PIK3C2G: variants seen among roughly 807,000 people sequenced by gnomAD.
PIK3C2G encodes phosphatidylinositol 3-kinase C2 domain-containing subunit gamma.
Under a neutral mutation model 181.1 loss-of-function variants are expected in PIK3C2G, and 168 were observed. The observed-to-expected ratio is 0.93, with a 90% CI of 0.82 to 1.05. The LOEUF (loss-of-function observed/expected upper bound fraction) is 1.05. PIK3C2G is among the 50% of genes least tolerant of loss of function. The pLI is 0.00. For missense variants in PIK3C2G, 1,869 were observed against 1,732.8 expected (o/e 1.08, Z -1.40); for synonymous variants, 573 against 592.2 (o/e 0.97, Z 0.47).
intron 8 of PIK3C2G, among the ~76,000 whole-genome samples, chr12:18,333,452 G>A (rs545396262): frequency 4.6e-5 from 7 of 151,918 alleles, no homozygotes; most frequent in South Asian, 2.1e-4. Flanking sequence ...CCCACCCACC[G>A]ACAGGCCCGG....
downstream of PIK3C2G, among the ~76,000 whole-genome samples, chr12:18,650,704 G>GTATATATA (rs1361372584): frequency 1.7e-5 from 1 of 57,764 alleles, no homozygotes; most frequent in Non-Finnish European, 4.0e-5. Flanking sequence ...GTGTGTGTGT[G>GTATATATA]TATATATCTA....
intron 11 of PIK3C2G, among the ~76,000 whole-genome samples, chr12:18,361,099 G>T (rs1227746487): frequency 1.3e-5 from 2 of 151,710 alleles, no homozygotes; most frequent in South Asian, 2.1e-4. Context: ...TGTTGTTGTT[G>T]TTGTTTTCAT....
chr12:18,333,749 C>T (rs999109628), intron 8 of PIK3C2G, among the ~76,000 whole-genome samples: 1 of 152,158 alleles, frequency 6.6e-6, no homozygotes, highest in Non-Finnish European at 1.5e-5. Context: ...CAATTTGTCT[C>T]CAAACTCATT....
At position 18,482,194 on chromosome 12, in the gene PIK3C2G, C is replaced by A. The variant is rs949900623; in HGVS notation, c.2505-6255C>A. Among the ~76,000 whole-genome samples, 4 of 119,590 alleles carry A rather than the reference C, an allele frequency of 3.3e-5. No homozygotes were observed. In the East Asian group the frequency reaches 1.2e-3, roughly 36 times the overall value. The allele number at this position is 119,590 out of a possible 152,430, so 78.5% of individuals were successfully genotyped here. On this transcript the variant is annotated intron_variant, in intron 18 of 32. Transcript: ENST00000538779. The stretch of plus-strand genomic sequence containing the variant: ...ACCCTCGCACCCCTAGACTCCAATA[C>A]TAGCCAAGATCTAGCTTAGGAATAG...
the PIK3C2G span, chr12:18,684,079 A>C: frequency 1.9e-6 from 3 of 1,593,254 alleles, no homozygotes; most frequent in Non-Finnish European, 2.6e-6. Flanking sequence ...TTTGATATAC[A>C]CAAGTTATAT....
At position 18,563,491 on chromosome 12, in the gene PIK3C2G, C is replaced by T; in HGVS notation, c.3895C>T (p.Leu1299Phe). 1.2e-6 allele frequency: 2 copies of T among 1,613,730 alleles called. No homozygotes were observed. Among genetic ancestry groups the T allele is most frequent in the Middle Eastern group, 1.7e-4 (1 of 6,060 alleles). ...TCAGAAGCAGTTTGCATCACTGACTCTCCCAGAGTAAGGCACTGTCCTTTT... is the reference window on the plus strand; with the variant it reads ...TCAGAAGCAGTTTGCATCACTGACTTTCCCAGAGTAAGGCACTGTCCTTTT... The part of the protein sequence containing the change: ...QLQKQFASLT[L>F]PEFPHWWHLP... Residue 1299 changes from leucine (L) to phenylalanine (F), a missense_variant, in exon 28 of 33, where the codon CTC becomes TTC. Coordinates refer to ENST00000538779, the MANE Select transcript of PIK3C2G (RefSeq NM_001288772.2).
At chr12:18,399,626 C>T (rs191322138) in intron 15 of PIK3C2G, 33 bp from the exon 16 acceptor site, 1 of 1,396,572 alleles carries the variant, frequency 7.2e-7, no homozygotes, top group Non-Finnish European at 9.8e-7. Context: ...CAGCAAACTC[C>T]AGTAAATTAC....
At chr12:18,373,896 A>T (rs1434653370) in intron 13 of PIK3C2G, among the ~76,000 whole-genome samples, 2 of 152,042 alleles carry the variant, frequency 1.3e-5, no homozygotes, top group Non-Finnish European at 2.9e-5. Context: ...TTTGGCCCAC[A>T]GAAGTTTTAT....
chr12:18,591,161 A>G (rs992567775), intron 29 of PIK3C2G, among the ~76,000 whole-genome samples: 5 of 152,002 alleles, frequency 3.3e-5, no homozygotes, highest in African/African-American at 1.2e-4. Context: ...ATTTCTTAAA[A>G]GTAGACTTCT....
chr12:18,609,525 C>A lies in PIK3C2G; in HGVS notation c.4088-10C>A, dbSNP rs1237062015. ...CAACTGAACTCACTGAAATTCTATT[C>A]TTTTATCAGGTGAGAAGTTTCCAGA... On this transcript the variant is annotated splice_polypyrimidine_tract_variant and intron_variant, in intron 30 of 32. Transcript: ENST00000538779. 10 of 1,530,680 alleles carry A rather than the reference C, an allele frequency of 6.5e-6. No homozygotes were observed. Among genetic ancestry groups the A allele is most frequent in the South Asian group, 2.4e-5 (2 of 83,370 alleles). The allele number at this position is 1,530,680 out of a possible 1,614,324, so 94.8% of individuals were successfully genotyped here.
chr12:18,399,160 A>C (rs1944082014), intron 15 of PIK3C2G, among the ~76,000 whole-genome samples: 1 of 145,052 alleles, frequency 6.9e-6, no homozygotes, highest in Non-Finnish European at 1.5e-5. Context: ...CCGCCACTGC[A>C]CTCCAGCCTG....
intron 1 of PIK3C2G, among the ~76,000 whole-genome samples, chr12:18,264,849 T>A (rs545184997): frequency 1.3e-5 from 2 of 152,266 alleles, no homozygotes; most frequent in African/African-American, 4.8e-5. Context: ...GTGCATAGTG[T>A]CTTCTGTAGA....
intron 30 of PIK3C2G, among the ~76,000 whole-genome samples, chr12:18,597,666 G>A (rs1403582516): frequency 6.6e-6 from 1 of 151,950 alleles, no homozygotes; most frequent in African/African-American, 2.4e-5. Context: ...GACAGGAGAA[G>A]GAAATAAAGG....
chr12:18,712,719 G>T, the PIK3C2G span: 1 of 1,228,120 alleles, frequency 8.1e-7, no homozygotes, highest in Non-Finnish European at 1.2e-6. Context: ...GCCTACTAAT[G>T]GATCATAACC....
intron 31 of PIK3C2G, among the ~76,000 whole-genome samples, chr12:18,618,132 A>G (rs1477767979): frequency 6.6e-6 from 1 of 151,934 alleles, no homozygotes; most frequent in African/African-American, 2.4e-5. Context: ...TAACTTATGT[A>G]CCTGTAGAGC....
chr12:18,386,880 T>C (rs1281253626), intron 14 of PIK3C2G, among the ~76,000 whole-genome samples: 1 of 152,172 alleles, frequency 6.6e-6, no homozygotes, highest in Non-Finnish European at 1.5e-5. Context: ...GGTTCTTGTC[T>C]CAATATCTGT....
At chr12:18,323,209 A>G (rs1331748197) in intron 7 of PIK3C2G, among the ~76,000 whole-genome samples, 1 of 152,142 alleles carries the variant, frequency 6.6e-6, no homozygotes, top group Non-Finnish European at 1.5e-5. Context: ...GGGTTAATTC[A>G]GGGCAAAGCA....
chr12:18,296,325 A>C (rs1565567631), intron 5 of PIK3C2G, among the ~76,000 whole-genome samples: 2 of 152,124 alleles, frequency 1.3e-5, no homozygotes, highest in Admixed American at 1.3e-4. Context: ...GTTGTTAGAA[A>C]AAGAATTCTG....
chr12:18,557,385 G>A (rs1270615270), intron 26 of PIK3C2G, among the ~76,000 whole-genome samples: 2 of 151,828 alleles, frequency 1.3e-5, no homozygotes, highest in Admixed American at 6.6e-5. Context: ...TTAAGACTCA[G>A]TACTTTAAAA....
Sources: gnomAD v4.1 joint callset for allele counts (sites outside exome capture counted in the v4.1 genomes callset) on GRCh38, gnomAD v4.1.1 for gene constraint, MANE v1.5 for transcripts, NCBI Gene and HGNC (gene_info 2026-07-23, HGNC 2026-07-21) for gene names.